The following CD101 variants were observed in gnomAD, a reference collection of about 807,000 sequenced individuals.
The protein encoded by CD101 is CD101 molecule.
A neutral mutation model predicts 98.2 loss-of-function variants in CD101; 76 were observed. That is an observed-to-expected ratio of 0.77 (90% CI 0.64 to 0.94). The LOEUF (loss-of-function observed/expected upper bound fraction) is 0.94, where lower values mean the gene tolerates loss of function less well. Among genes scored for constraint, CD101 ranks in the 40% least tolerant of loss-of-function variants. CD101 has a pLI of 0.00. For missense variants in CD101, 1,145 were observed against 1,218.8 expected, an observed-to-expected ratio of 0.94 and a Z score of 0.90; for synonymous variants, 471 against 472.7, an observed-to-expected ratio of 1.00 and a Z score of 0.05.
intron 1 of CD101, among the ~76,000 whole-genome samples, chr1:117,003,974 G>C (rs568430886): frequency 2.8e-4 from 42 of 152,250 alleles, no homozygotes; most frequent in Admixed American, 1.1e-3. Context: ...TTTACACTTT[G>C]TCCCAATTTT....
At position 117,010,437 on chromosome 1, in the gene CD101, T is replaced by C. The variant is rs570055232; in HGVS notation, c.424+207T>C. 9.2e-4 allele frequency among the ~76,000 whole-genome samples: 140 copies of C among 152,348 alleles called. No homozygotes were observed. Among genetic ancestry groups the C allele is most frequent in the Non-Finnish European group, 1.5e-3 (99 of 68,028 alleles). ...TCTGTTTCTTTTTCTCAATTATCTT[T>C]GCCATAAATATTTAGATGGTGTGTG... On this transcript the variant is annotated intron_variant, in intron 2 of 9. Coordinates refer to ENST00000682167, the MANE Select transcript of CD101 (RefSeq NM_001256106.3). This position sits in a 1 kb window ranked among gnomAD's most constrained non-coding sequence, Gnocchi z 5.2.
chr1:117,015,017 G>A (rs763195887), intron 4 of CD101, among the ~76,000 whole-genome samples: 5 of 152,144 alleles, frequency 3.3e-5, no homozygotes, highest in Non-Finnish European at 1.5e-5. Flanking sequence ...CCTGGTATGT[G>A]GGAATTTCAC....
intron 8 of CD101, among the ~76,000 whole-genome samples, chr1:117,029,212 GAAAA>G (rs1557778978): frequency 2.8e-4 from 15 of 54,472 alleles, no homozygotes; most frequent in South Asian, 6.0e-4. Context: ...AGAAAAGAAA[GAAAA>G]GAAAGAAAGA....
intron 1 of CD101, among the ~76,000 whole-genome samples, chr1:117,002,080 T>C (rs10494192): frequency 0.2 from 30,144 of 152,186 alleles, 3,839 homozygotes; most frequent in Admixed American, 0.36. Context: ...ATGCACAAGA[T>C]TCCATTGGTT....
chr1:117,033,734 A>G lies in CD101; in HGVS notation c.2825-126A>G. On this transcript the variant is annotated intron_variant, in intron 8 of 9. Coordinates refer to ENST00000682167, the MANE Select transcript of CD101 (RefSeq NM_001256106.3). This position sits in a 1 kb window ranked among gnomAD's most constrained non-coding sequence, Gnocchi z 4.8. ...GTGCTCCTCATGATTTCAGGGGCCC[A>G]CTGCTATTTGGCCCCATTATTTTTA... 1 of 1,256,970 alleles carries G rather than the reference A, an allele frequency of 8.0e-7. No individual in the cohort carries two copies. Among genetic ancestry groups the G allele is most frequent in the Admixed American group, 2.1e-5 (1 of 46,780 alleles). 77.9% of individuals were successfully genotyped at this position (1,256,970 alleles called of 1,614,324 possible).
intron 8 of CD101, among the ~76,000 whole-genome samples, chr1:117,030,465 AAAAAGAG>A (rs1654385563): frequency 6.6e-6 from 1 of 151,834 alleles, no homozygotes; most frequent in Non-Finnish European, 1.5e-5. Context: ...AAAGAAAGAA[AAAAAGAG>A]AGAGAGAAAG....
At chr1:117,013,848 A>G (rs1653046230) in intron 4 of CD101, 56 bp downstream of exon 4, 4 of 1,509,158 alleles carry the variant, frequency 2.7e-6, no homozygotes, top group South Asian at 1.3e-5. Context: ...CCCCCTTGTC[A>G]GTGGAAGACC....
Position 117,018,265 on chromosome 1 carries a change from A to C in CD101, c.1722A>C (p.Pro574=), listed in dbSNP as rs755239633. The part of the protein sequence containing the change: ...VRAGYSDLKV[P]LTVTWQFQPA... ...CCGGTTACTCTGACCTCAAGGTGCC[A>C]CTCACTGTGACGTGGCAGTTCCAGC... is the stretch of plus-strand genomic sequence containing the variant. The change falls in exon 6 of 10, where the codon CCA becomes CCC. Residue 574 remains proline, a synonymous_variant. Coordinates refer to ENST00000682167, the MANE Select transcript of CD101 (RefSeq NM_001256106.3). This position sits in a 1 kb window ranked among gnomAD's most constrained non-coding sequence, Gnocchi z 4.3. The C allele has an allele frequency of 2.5e-6, 4 of 1,614,138 alleles. No homozygotes were observed. In the East Asian group the frequency reaches 8.9e-5, roughly 36 times the overall value.
intron 2 of CD101, 60 bp from the exon 3 acceptor site, chr1:117,011,490 A>C (rs920616123): frequency 2.0e-6 from 3 of 1,472,730 alleles, no homozygotes; most frequent in Non-Finnish European, 1.9e-6. Flanking sequence ...GGCGCCATCT[A>C]AGGAGGCCCA....
intron 1 of CD101, among the ~76,000 whole-genome samples, chr1:117,002,334 TTTCACCTGCGAG>T (rs1652275757): frequency 4.6e-5 from 7 of 152,200 alleles, no homozygotes; most frequent in Non-Finnish European, 1.0e-4. Context: ...AGGTTCTAGA[TTTCACCTGCGAG>T]TGGAAGTGGA....
Position 117,033,803 on chromosome 1 carries a change from T to G in CD101, c.2825-57T>G. 3 of 1,605,306 alleles carry G rather than the reference T, an allele frequency of 1.9e-6. No homozygotes were observed. The highest frequency in any genetic ancestry group is 1.1e-5 in the South Asian group (1 of 90,348). ...AATAAATCCCAGGAGTGTTTGTAAT[T>G]GACTAGTACAAATAAGTTGGAGATG... On this transcript the variant is annotated intron_variant, in intron 8 of 9. Transcript: ENST00000682167. This position sits in a 1 kb window ranked among gnomAD's most constrained non-coding sequence, Gnocchi z 4.8.
At chr1:117,011,048 A>G (rs1304723932) in intron 2 of CD101, among the ~76,000 whole-genome samples, 1 of 152,224 alleles carries the variant, frequency 6.6e-6, no homozygotes, top group African/African-American at 2.4e-5. Context: ...GTAGGGTAGT[A>G]AGATGGTTAC....
Position 117,011,912 on chromosome 1 carries a change from A to G in CD101, c.787A>G (p.Met263Val). The G allele has an allele frequency of 6.2e-7, 1 of 1,614,154 alleles. No homozygotes were observed. Among genetic ancestry groups the G allele is most frequent in the Non-Finnish European group, 8.5e-7 (1 of 1,180,028 alleles). The stretch of plus-strand genomic sequence containing the variant: ...GATTCAGGATCCAGATGAAACTTGG[A>G]TGTTCATCACCAAAAAGCAGACCGA... ...EWIQDPDETW[M>V]FITKKQTDQT... Residue 263 changes from methionine to valine, a missense_variant, in exon 3 of 10, where the codon ATG (methionine) becomes GTG (valine). Physicochemically the swap from Met to Val is conservative, Grantham distance 21. Coordinates refer to ENST00000682167, the MANE Select transcript of CD101 (RefSeq NM_001256106.3).
intron 3 of CD101, among the ~76,000 whole-genome samples, chr1:117,013,115 A>T (rs1181536691): frequency 6.6e-6 from 1 of 152,158 alleles, no homozygotes; most frequent in Non-Finnish European, 1.5e-5. Flanking sequence ...TTTTTAATTT[A>T]AAAAGCATAC....
At chr1:117,027,236 T>C (rs1220117111) in intron 8 of CD101, among the ~76,000 whole-genome samples, 1 of 152,220 alleles carries the variant, frequency 6.6e-6, no homozygotes, top group Non-Finnish European at 1.5e-5. Context: ...CCTACATGTG[T>C]ACATCTATGT....
At chr1:117,027,458 G>A (rs994836503) in intron 8 of CD101, among the ~76,000 whole-genome samples, 5 of 152,198 alleles carry the variant, frequency 3.3e-5, no homozygotes, top group Non-Finnish European at 7.3e-5. Flanking sequence ...GATGATCTGG[G>A]AAGGTTCCCC....
intron 9 of CD101, among the ~76,000 whole-genome samples, chr1:117,034,639 A>G (rs981307167): frequency 6.6e-6 from 1 of 152,238 alleles, no homozygotes; most frequent in Admixed American, 6.5e-5. Context: ...TTCTTCTCCC[A>G]GCCCACCTAC....
intron 1 of CD101, among the ~76,000 whole-genome samples, chr1:117,007,870 T>C (rs572493138): frequency 3.1e-4 from 48 of 152,390 alleles, no homozygotes; most frequent in Admixed American, 2.7e-3. Flanking sequence ...TTCCACTTTA[T>C]GACTGTACCA....
chr1:117,029,180 A>AGTAGATACGACTGACAGTCC (rs1654180517), intron 8 of CD101, among the ~76,000 whole-genome samples: 1 of 105,082 alleles, frequency 9.5e-6, no homozygotes, highest in Non-Finnish European at 1.9e-5. Flanking sequence ...AGAAAGAAAG[A>AGTAGATACGACTGACAGTCC]AAGAAAGAAA....
Sources: gnomAD v4.1 joint callset for allele counts (sites outside exome capture counted in the v4.1 genomes callset) on GRCh38, gnomAD v4.1.1 for gene constraint, Gnocchi (gnomAD v3.1) non-coding constraint, MANE v1.5 for transcripts, NCBI Gene and HGNC (gene_info 2026-07-23, HGNC 2026-07-21) for gene names.